CCSER1: variants seen among roughly 807,000 people sequenced by gnomAD.
CCSER1 encodes coiled-coil serine rich protein 1.
Under a neutral mutation model 82.0 loss-of-function variants are expected in CCSER1, and 41 were observed. That is an observed-to-expected ratio of 0.50 (90% CI 0.39 to 0.65). The LOEUF (loss-of-function observed/expected upper bound fraction) is 0.65. Among genes scored for constraint, CCSER1 ranks in the 30% least tolerant of loss-of-function variants. The pLI, the probability that CCSER1 is intolerant of heterozygous loss-of-function variation, is 0.00. For missense variants in CCSER1, 1,119 were observed against 1,064.2 expected, an observed-to-expected ratio of 1.05 and a Z score of -0.72; for synonymous variants, 414 against 383.9, an observed-to-expected ratio of 1.08 and a Z score of -0.92.
At chr4:91,526,296 C>T (rs978247239) in intron 10 of CCSER1, among the ~76,000 whole-genome samples, 2 of 152,162 alleles carry the variant, frequency 1.3e-5, no homozygotes, top group African/African-American at 4.8e-5. Flanking sequence ...AATTGTCAAC[C>T]AGAAAATATT....
At chr4:90,456,777 C>T (rs534703489) in intron 4 of CCSER1, among the ~76,000 whole-genome samples, 2 of 152,230 alleles carry the variant, frequency 1.3e-5, no homozygotes, top group East Asian at 1.9e-4. Flanking sequence ...TTAGGGATTC[C>T]CCAAAAAAGG....
At position 91,185,726 on chromosome 4, in the gene CCSER1, A is replaced by G. The variant is rs148779968; in HGVS notation, c.2217+99732A>G. On this transcript the variant is annotated intron_variant, in intron 10 of 10. Coordinates refer to ENST00000509176, the MANE Select transcript of CCSER1 (RefSeq NM_001145065.2). The stretch of plus-strand genomic sequence containing the variant: ...TACATTTTGGACATATTTCAGGATC[A>G]GCAGTTTTCTTTTTTCCCCTATCTG... Among the ~76,000 whole-genome samples, 52 of 152,324 alleles carry G rather than the reference A, an allele frequency of 3.4e-4. 2 individuals are homozygous for G. The East Asian group carries it at 0.01, about 29-fold the overall frequency.
intron 7 of CCSER1, among the ~76,000 whole-genome samples, chr4:90,812,888 C>G (rs1461090773): frequency 6.6e-6 from 1 of 152,120 alleles, no homozygotes; most frequent in Admixed American, 6.5e-5. Flanking sequence ...CCCCCATGAT[C>G]CAATCACCTC....
chr4:90,796,837 G>A (rs1756108628), intron 7 of CCSER1, among the ~76,000 whole-genome samples: 1 of 152,048 alleles, frequency 6.6e-6, no homozygotes, highest in African/African-American at 2.4e-5. Context: ...ATTGTACTGT[G>A]GTTCAAGACA....
chr4:90,255,239 T>C (rs909325873), intron 1 of CCSER1, among the ~76,000 whole-genome samples: 1 of 152,164 alleles, frequency 6.6e-6, no homozygotes, highest in African/African-American at 2.4e-5. Flanking sequence ...AAAAATTACA[T>C]AGAACTATTT....
intron 3 of CCSER1, among the ~76,000 whole-genome samples, chr4:90,372,547 C>T (rs1032684717): frequency 7.2e-5 from 11 of 151,860 alleles, no homozygotes; most frequent in Non-Finnish European, 1.3e-4. Flanking sequence ...GTTAGAAGTT[C>T]GAGACCACCC....
chr4:90,347,771 G>A (rs1742643966), intron 3 of CCSER1, among the ~76,000 whole-genome samples: 1 of 152,086 alleles, frequency 6.6e-6, no homozygotes, highest in African/African-American at 2.4e-5. Context: ...GGAAAAATAA[G>A]TAGAAGAAAA....
Position 90,308,950 on chromosome 4 carries a change from A to G in CCSER1, c.666A>G (p.Val222=), listed in dbSNP as rs771434691. ...EVTQYQEREP[V]LVRASPSCSV... is the part of the protein sequence containing the mutation. ...CACAGTACCAAGAGAGAGAACCTGT[A>G]TTAGTAAGAGCTTCGCCATCCTGTT... The change falls in exon 2 of 11, where the codon GTA becomes GTG. Residue 222 remains valine, a synonymous_variant. Coordinates refer to ENST00000509176, the MANE Select transcript of CCSER1 (RefSeq NM_001145065.2). The G allele has an allele frequency of 3.1e-6, 5 of 1,613,848 alleles. No homozygotes were observed. The South Asian group carries it at 4.4e-5, about 14-fold the overall frequency.
chr4:90,460,901 G>A (rs917919212), intron 4 of CCSER1, among the ~76,000 whole-genome samples: 1 of 152,000 alleles, frequency 6.6e-6, no homozygotes, highest in Non-Finnish European at 1.5e-5. Flanking sequence ...TAACATTTCT[G>A]AATACTCTGC....
At chr4:90,948,378 A>G (rs1174637240) in intron 9 of CCSER1, among the ~76,000 whole-genome samples, 1 of 151,872 alleles carries the variant, frequency 6.6e-6, no homozygotes, top group Non-Finnish European at 1.5e-5. Flanking sequence ...GATTTAAAAA[A>G]TAATTATTGA....
intron 5 of CCSER1, among the ~76,000 whole-genome samples, chr4:90,619,175 T>C (rs1181342130): frequency 6.6e-6 from 1 of 151,964 alleles, no homozygotes; most frequent in Non-Finnish European, 1.5e-5. Flanking sequence ...TCTAGCAAAT[T>C]TTGAAAGCTC....
intron 1 of CCSER1, among the ~76,000 whole-genome samples, chr4:90,166,634 T>C (rs1430418223): frequency 6.6e-6 from 1 of 152,048 alleles, no homozygotes; most frequent in Non-Finnish European, 1.5e-5. Context: ...TTAAGCCTTC[T>C]TTCTGTGGTT....
intron 10 of CCSER1, among the ~76,000 whole-genome samples, chr4:91,402,100 G>A (rs1371112954): frequency 1.3e-5 from 2 of 152,164 alleles, no homozygotes; most frequent in Non-Finnish European, 2.9e-5. Context: ...TAACTGGTGT[G>A]AGATGGTATC....
intron 10 of CCSER1, among the ~76,000 whole-genome samples, chr4:91,577,803 T>C (rs574637977): frequency 1.3e-5 from 2 of 151,966 alleles, no homozygotes; most frequent in East Asian, 3.9e-4. Context: ...TCAAATGACT[T>C]AAGCAATAAT....
chr4:91,162,921 C>G (rs956117219), intron 10 of CCSER1, among the ~76,000 whole-genome samples: 1 of 152,004 alleles, frequency 6.6e-6, no homozygotes, highest in Non-Finnish European at 1.5e-5. Flanking sequence ...TTTTTTGTGT[C>G]TCTATCTCCT....
intron 10 of CCSER1, among the ~76,000 whole-genome samples, chr4:91,258,237 A>G (rs1471963803): frequency 6.6e-6 from 1 of 152,116 alleles, no homozygotes; most frequent in Non-Finnish European, 1.5e-5. Flanking sequence ...AAGGTAGACT[A>G]CACACAAAAT....
chr4:91,290,726 A>G (rs1413403501), intron 10 of CCSER1, among the ~76,000 whole-genome samples: 1 of 151,950 alleles, frequency 6.6e-6, no homozygotes, highest in Non-Finnish European at 1.5e-5. Context: ...AAATGTTTGA[A>G]CTGTTTGAAA....
intron 9 of CCSER1, among the ~76,000 whole-genome samples, chr4:91,018,606 T>C (rs571794934): frequency 6.6e-6 from 1 of 152,206 alleles, no homozygotes; most frequent in South Asian, 2.1e-4. Flanking sequence ...CACTGCATAA[T>C]GTGGCATCTG....
intron 10 of CCSER1, among the ~76,000 whole-genome samples, chr4:91,205,722 C>G (rs748073798): frequency 9.3e-5 from 14 of 151,286 alleles, no homozygotes; most frequent in Non-Finnish European, 1.5e-4. Flanking sequence ...CACCTGGCCT[C>G]CCTTTCTACT....
Sources: gnomAD v4.1 joint callset for allele counts (sites outside exome capture counted in the v4.1 genomes callset) on GRCh38, gnomAD v4.1.1 for gene constraint, MANE v1.5 for transcripts, NCBI Gene and HGNC (gene_info 2026-07-23, HGNC 2026-07-21) for gene names.